Variants in CHODL observed in about 807,000 individuals in gnomAD.
The protein encoded by CHODL is transmembrane protein MT75.
CHODL carries 29 observed loss-of-function variants against 34.5 expected under a neutral mutation model. That is an observed-to-expected ratio of 0.84 (90% CI 0.63 to 1.15). The LOEUF is 1.15. Ranked by LOEUF, CHODL falls within the 50% of genes most tolerant of loss-of-function variation. CHODL has a pLI of 0.00. For synonymous variants in CHODL, 125 were observed against 116.1 expected (o/e 1.08, Z -0.49); for missense variants, 332 against 332.5 (o/e 1.00, Z 0.01).
chr21:18,118,032 A>T (rs1044224113), intron 2 of CHODL, among the ~76,000 whole-genome samples: 4 of 152,236 alleles, frequency 2.6e-5, no homozygotes. Flanking sequence ...TCCTGAGCAG[A>T]TCTGTGATCA....
intron 1 of CHODL, among the ~76,000 whole-genome samples, chr21:17,917,992 A>G: frequency 6.6e-6 from 1 of 152,104 alleles, no homozygotes; most frequent in East Asian, 1.9e-4. Context: ...CTATATGGGA[A>G]ATAAAAGATC....
At chr21:17,976,975 C>T (rs2063668398) in intron 1 of CHODL, among the ~76,000 whole-genome samples, 1 of 152,138 alleles carries the variant, frequency 6.6e-6, no homozygotes, top group Admixed American at 6.6e-5. Flanking sequence ...TTATTGCTTT[C>T]TGCAGCCAAC....
intron 2 of CHODL, among the ~76,000 whole-genome samples, chr21:18,211,366 AG>A (rs1472355700): frequency 1.3e-4 from 20 of 152,194 alleles, no homozygotes; most frequent in African/African-American, 4.3e-4. Flanking sequence ...AACAGCATAT[AG>A]GTGATACTCA....
intron 2 of CHODL, among the ~76,000 whole-genome samples, chr21:18,145,435 CAAAAAA>C (rs10671177): frequency 3.3e-5 from 2 of 60,894 alleles, no homozygotes; most frequent in South Asian, 6.6e-4. Context: ...GACTACCTTT[CAAAAAA>C]AAAAAAAAAA....
chr21:18,091,280 C>T (rs757154884), intron 2 of CHODL, among the ~76,000 whole-genome samples: 11 of 152,300 alleles, frequency 7.2e-5, no homozygotes, highest in South Asian at 6.2e-4. Flanking sequence ...GTCGAGGACA[C>T]GTAGGACACA....
At chr21:18,016,582 A>C (rs1384222739) in intron 1 of CHODL, among the ~76,000 whole-genome samples, 1 of 152,206 alleles carries the variant, frequency 6.6e-6, no homozygotes, top group Non-Finnish European at 1.5e-5. Context: ...GAGGACCTGT[A>C]CTTGGGCAGT....
At chr21:18,114,836 T>C (rs555024579) in intron 2 of CHODL, 2 of 152,352 alleles carry the variant, frequency 1.3e-5, no homozygotes, top group African/African-American at 4.8e-5. Flanking sequence ...GTTGTTCCAG[T>C]CATACAGGCA....
chr21:18,007,279 A>G (rs1394669409), intron 1 of CHODL, among the ~76,000 whole-genome samples: 1 of 152,192 alleles, frequency 6.6e-6, no homozygotes. Context: ...CTTTTCAATA[A>G]CTATTTTCTA....
At chr21:18,219,768 G>T (rs2073865030) in intron 2 of CHODL, among the ~76,000 whole-genome samples, 2 of 150,916 alleles carry the variant, frequency 1.3e-5, no homozygotes, top group South Asian at 2.1e-4. Flanking sequence ...ATTTTTAATT[G>T]GTTAGTTGTA....
At chr21:18,205,950 A>T (rs1397192863) in intron 2 of CHODL, among the ~76,000 whole-genome samples, 1 of 152,118 alleles carries the variant, frequency 6.6e-6, no homozygotes, top group African/African-American at 2.4e-5. Context: ...AGTTTTCAAA[A>T]TTCCTCTTGT....
chr21:17,975,338 A>G (rs1573438), intron 1 of CHODL, among the ~76,000 whole-genome samples: 7,681 of 152,250 alleles, frequency 0.05, 340 homozygotes, highest in East Asian at 0.16. Flanking sequence ...CTTATCGAGT[A>G]GTATGTTTAT....
chr21:18,099,725 A>G (rs775773313), intron 2 of CHODL, among the ~76,000 whole-genome samples: 1 of 152,076 alleles, frequency 6.6e-6, no homozygotes, highest in African/African-American at 2.4e-5. Context: ...CAATAAACAT[A>G]TGTATATTTT....
intron 2 of CHODL, among the ~76,000 whole-genome samples, chr21:18,198,241 T>C (rs1484449727): frequency 1.3e-5 from 2 of 152,194 alleles, no homozygotes; most frequent in Non-Finnish European, 2.9e-5. Flanking sequence ...ATGCCTTACA[T>C]TCTGTTAATC....
At chr21:17,999,634 CAG>C (rs745929978) in intron 1 of CHODL, among the ~76,000 whole-genome samples, 1 of 152,156 alleles carries the variant, frequency 6.6e-6, no homozygotes, top group Non-Finnish European at 1.5e-5. Context: ...GAAGCAAAAA[CAG>C]AAACCCCTGA....
At chr21:17,994,480 G>A (rs539191775) in intron 1 of CHODL, among the ~76,000 whole-genome samples, 49 of 152,332 alleles carry the variant, frequency 3.2e-4, no homozygotes, top group African/African-American at 1.1e-3. Flanking sequence ...GGTGGCAGTA[G>A]AGGCAGGCTT....
chr21:18,017,643 G>A (rs1194744932), intron 1 of CHODL, among the ~76,000 whole-genome samples: 1 of 152,208 alleles, frequency 6.6e-6, no homozygotes, highest in Admixed American at 6.5e-5. Context: ...GCGGAAGCTT[G>A]TTGCAGAGGC....
intron 2 of CHODL, among the ~76,000 whole-genome samples, chr21:18,106,379 G>T (rs1469274160): frequency 1.3e-5 from 2 of 152,078 alleles, no homozygotes; most frequent in Admixed American, 6.6e-5. Context: ...GAAGGCCCTT[G>T]GTCGGTCACC....
At chr21:18,077,709 C>T (rs1040244899) in intron 2 of CHODL, among the ~76,000 whole-genome samples, 9 of 152,038 alleles carry the variant, frequency 5.9e-5, no homozygotes, top group African/African-American at 1.4e-4. Context: ...CTGTTTAGGA[C>T]GCAAACCCTC....
chr21:18,069,804 CT>C lies in CHODL; in HGVS notation c.-45+41835del, dbSNP rs1428160473. On this transcript the variant is annotated intron_variant, in intron 2 of 6. Transcript: ENST00000400127. ...TTTAAATTTTTTGTAAAGACAGAGT[CT>C]TGCTGTGTTGCCCAGGCTGGTCTCA... Among the ~76,000 whole-genome samples, 3 of 151,976 alleles carry C rather than the reference CT, an allele frequency of 2.0e-5. No individual in the cohort carries two copies. The East Asian group carries it at 5.8e-4, about 29-fold the overall frequency.
Sources: gnomAD v4.1 joint callset for allele counts (sites outside exome capture counted in the v4.1 genomes callset) on GRCh38, gnomAD v4.1.1 for gene constraint, MANE v1.5 for transcripts, NCBI Gene and HGNC (gene_info 2026-07-23, HGNC 2026-07-21) for gene names.